PRIMPOL: variants seen among roughly 807,000 people sequenced by gnomAD.
The protein encoded by PRIMPOL is primase and DNA directed polymerase, also known as DNA-directed primase/polymerase protein.
A neutral mutation model predicts 63.6 loss-of-function variants in PRIMPOL; 54 were observed. That is an observed-to-expected ratio of 0.85 (90% CI 0.68 to 1.07). The LOEUF (loss-of-function observed/expected upper bound fraction) is 1.07, where lower values mean the gene tolerates loss of function less well. Among genes scored for constraint, PRIMPOL ranks in the 50% least tolerant of loss-of-function variants. The pLI is 0.00. For missense variants in PRIMPOL, 610 were observed against 648.3 expected, an observed-to-expected ratio of 0.94 and a Z score of 0.64; for synonymous variants, 197 against 220.2, an observed-to-expected ratio of 0.89 and a Z score of 0.93.
Position 184,665,928 on chromosome 4 carries a change from A to C in PRIMPOL, c.420A>C (p.Lys140Asn). ...MVALLIEYVC[K>N]ALQELYGVNC... is the part of the protein sequence containing the mutation. ...ACTTGTGTTTTTAGTATGTGTGTAA[A>C]GCACTTCAAGAGTTATACGGTGTTA... Residue 140 changes from lysine to asparagine, a missense_variant, in exon 6 of 14, where the codon AAA becomes AAC. By Grantham distance (94) the Lys-to-Asn change is moderately conservative (BLOSUM62 0). Transcript: ENST00000314970. 6.3e-7 allele frequency: 1 copy of C among 1,584,066 alleles called. No individual in the cohort carries two copies.
chr4:184,671,922 A>G (rs1214856518), intron 6 of PRIMPOL, among the ~76,000 whole-genome samples: 1 of 151,668 alleles, frequency 6.6e-6, no homozygotes, highest in Non-Finnish European at 1.5e-5. Context: ...TTGTATTTTT[A>G]GTAGAGACGG....
intron 5 of PRIMPOL, 58 bp downstream of exon 5, chr4:184,661,961 T>C (rs1748474150): frequency 6.1e-6 from 9 of 1,485,490 alleles, no homozygotes; most frequent in Non-Finnish European, 8.3e-6. Context: ...GGCTTATTCA[T>C]TCAGTGAATT....
At chr4:184,690,844 G>A (rs1004094894) in intron 11 of PRIMPOL, among the ~76,000 whole-genome samples, 10 of 152,146 alleles carry the variant, frequency 6.6e-5, no homozygotes, top group African/African-American at 2.4e-4. Context: ...TCAGGTCTAA[G>A]CGTTTTCTAA....
At chr4:184,683,449 T>A (rs1310169141) in intron 9 of PRIMPOL, among the ~76,000 whole-genome samples, 2 of 152,026 alleles carry the variant, frequency 1.3e-5, no homozygotes, top group African/African-American at 4.8e-5. Flanking sequence ...TATTATTCAC[T>A]AATTTCACTA....
At chr4:184,677,409 TGC>T (rs1754384847) in intron 7 of PRIMPOL, among the ~76,000 whole-genome samples, 1 of 152,204 alleles carries the variant, frequency 6.6e-6, no homozygotes, top group Non-Finnish European at 1.5e-5. Flanking sequence ...TGCTCAGCAG[TGC>T]TACCTTTGCC....
At chr4:184,691,431 A>G (rs926271671) in intron 11 of PRIMPOL, 68 bp from the exon 12 acceptor site, 11 of 889,046 alleles carry the variant, frequency 1.2e-5, no homozygotes, top group Non-Finnish European at 1.8e-5. Context: ...TTGGAACAGC[A>G]TGCAGCTGGA....
intron 6 of PRIMPOL, among the ~76,000 whole-genome samples, chr4:184,668,383 T>A (rs1199205304): frequency 6.6e-6 from 1 of 152,260 alleles, no homozygotes; most frequent in Non-Finnish European, 1.5e-5. Context: ...GTGCGCTGAT[T>A]CTGCCACCTG....
rs193166779 is a variant in PRIMPOL, at chr4:184,662,684, C to A, written c.408+781C>A. On this transcript the variant is annotated intron_variant, in intron 5 of 13. Coordinates refer to ENST00000314970, the MANE Select transcript of PRIMPOL (RefSeq NM_152683.4). ...TAGCTATTTTTCTTTTAAATGTTAA[C>A]TGAATAATAATGTTATAGATTACCC... Among the ~76,000 whole-genome samples, 122 of 152,096 alleles carry A rather than the reference C, an allele frequency of 8.0e-4. 1 individual carries two copies. Among genetic ancestry groups the A allele is most frequent in the Middle Eastern group, 3.4e-3 (1 of 294 alleles).
intron 4 of PRIMPOL, among the ~76,000 whole-genome samples, chr4:184,660,352 T>C (rs1189617286): frequency 6.6e-6 from 1 of 151,960 alleles, no homozygotes; most frequent in African/African-American, 2.4e-5. Context: ...GGCTAATTTT[T>C]GTATTTTTAG....
intron 4 of PRIMPOL, 84 bp downstream of exon 4, chr4:184,659,521 G>T (rs1489061935): frequency 1.0e-6 from 1 of 978,144 alleles, no homozygotes; most frequent in African/African-American, 1.6e-5. Context: ...AGTTCAGGCT[G>T]AATTGGCTTC....
At chr4:184,667,522 G>A (rs1483263031) in intron 6 of PRIMPOL, among the ~76,000 whole-genome samples, 4 of 152,182 alleles carry the variant, frequency 2.6e-5, no homozygotes, top group Non-Finnish European at 4.4e-5. Flanking sequence ...AGGTTAGCCA[G>A]GATGGTCTTG....
intron 9 of PRIMPOL, among the ~76,000 whole-genome samples, chr4:184,684,012 T>C (rs1756352171): frequency 8.7e-6 from 1 of 115,186 alleles, no homozygotes; most frequent in Non-Finnish European, 2.0e-5. Context: ...TTTATTTTCT[T>C]GTCTTATATG....
At chr4:184,694,273 A>C in intron 13 of PRIMPOL, 2 of 1,213,058 alleles carry the variant, frequency 1.6e-6, no homozygotes, top group Non-Finnish European at 1.0e-6. Context: ...AGTATTGAAA[A>C]GTATGTGCAC....
At chr4:184,666,540 C>T (rs1749933081) in intron 6 of PRIMPOL, among the ~76,000 whole-genome samples, 2 of 152,298 alleles carry the variant, frequency 1.3e-5, no homozygotes, top group South Asian at 4.1e-4. Context: ...CTGTTCTAGA[C>T]ACATCAACCT....
chr4:184,673,411 G>A (rs895401346), intron 7 of PRIMPOL, among the ~76,000 whole-genome samples: 1 of 147,392 alleles, frequency 6.8e-6, no homozygotes, highest in Non-Finnish European at 1.5e-5. Context: ...TTACAGGCAT[G>A]AGCCACTGCG....
intron 2 of PRIMPOL, among the ~76,000 whole-genome samples, chr4:184,655,602 G>A (rs1448154328): frequency 6.6e-6 from 1 of 152,076 alleles, no homozygotes; most frequent in East Asian, 1.9e-4. Context: ...ATACAGGCAG[G>A]AGCCACCGCG....
At chr4:184,670,516 T>C (rs1252178980) in intron 6 of PRIMPOL, among the ~76,000 whole-genome samples, 1 of 152,084 alleles carries the variant, frequency 6.6e-6, no homozygotes, top group East Asian at 1.9e-4. Flanking sequence ...TTATAAGAAA[T>C]TGGATTTGTT....
chr4:184,680,275 C>T (rs1755260311), intron 8 of PRIMPOL, among the ~76,000 whole-genome samples: 1 of 152,244 alleles, frequency 6.6e-6, no homozygotes, highest in Non-Finnish European at 1.5e-5. Context: ...GCAACCTCTG[C>T]CTCACAGGTT....
intron 6 of PRIMPOL, among the ~76,000 whole-genome samples, chr4:184,667,486 AT>A (rs1048535747): frequency 4.6e-5 from 7 of 152,032 alleles, no homozygotes; most frequent in South Asian, 2.1e-4. Context: ...AAGTTTTTGT[AT>A]TTTTAGTAGA....
Sources: allele counts gnomAD v4.1 joint callset (sites outside exome capture counted in the v4.1 genomes callset), GRCh38; gene constraint gnomAD v4.1.1; transcripts MANE v1.5; gene names NCBI Gene and HGNC (gene_info 2026-07-23, HGNC 2026-07-21).